Variants in MYO1E observed in about 807,000 individuals in gnomAD.
MYO1E encodes the protein unconventional myosin-Ie.
A neutral mutation model predicts 151.1 loss-of-function variants in MYO1E; 68 were observed. The observed-to-expected ratio is 0.45, with a 90% CI of 0.37 to 0.55. The LOEUF (loss-of-function observed/expected upper bound fraction) is 0.55, where lower values mean the gene tolerates loss of function less well. Ranked by LOEUF, MYO1E falls within the 20% of genes least tolerant of loss-of-function variation. MYO1E has a pLI of 0.00. For missense variants in MYO1E, 1,363 were observed against 1,389.3 expected, an observed-to-expected ratio of 0.98 and a Z score of 0.30; for synonymous variants, 601 against 501.7, an observed-to-expected ratio of 1.20 and a Z score of -2.64.
chr15:59,248,175 G>A (rs1261382222), intron 4 of MYO1E, among the ~76,000 whole-genome samples: 1 of 147,040 alleles, frequency 6.8e-6, no homozygotes, highest in Non-Finnish European at 1.5e-5. Flanking sequence ...TGAACACAAG[G>A]CATGGTAGAT....
intron 4 of MYO1E, among the ~76,000 whole-genome samples, chr15:59,239,705 G>A (rs191814939): frequency 2.0e-5 from 3 of 152,278 alleles, no homozygotes; most frequent in African/African-American, 7.2e-5. Context: ...CAGCAACTAT[G>A]ATCTTTTCCA....
At chr15:59,311,426 T>C (rs568153066) in intron 1 of MYO1E, among the ~76,000 whole-genome samples, 2 of 152,088 alleles carry the variant, frequency 1.3e-5, no homozygotes, top group Non-Finnish European at 2.9e-5. Flanking sequence ...TGCTCACTCA[T>C]GCATGCTTAC....
chr15:59,247,066 C>A (rs1009816706), intron 4 of MYO1E, among the ~76,000 whole-genome samples: 2 of 152,132 alleles, frequency 1.3e-5, no homozygotes, highest in South Asian at 2.1e-4. Flanking sequence ...CATGATGGTG[C>A]GCATCTGTGG....
intron 26 of MYO1E, among the ~76,000 whole-genome samples, chr15:59,140,842 A>G (rs1194541851): frequency 1.3e-5 from 2 of 151,966 alleles, no homozygotes; most frequent in African/African-American, 4.8e-5. Context: ...CGTGGGAGGG[A>G]GCAATCCTCA....
intron 3 of MYO1E, among the ~76,000 whole-genome samples, chr15:59,260,384 T>C (rs528404288): frequency 4.6e-5 from 7 of 152,366 alleles, no homozygotes; most frequent in East Asian, 3.8e-4. Context: ...ACCATTCATC[T>C]GGCAACAATG....
At chr15:59,179,085 A>G (rs1420694603) in intron 18 of MYO1E, among the ~76,000 whole-genome samples, 1 of 152,052 alleles carries the variant, frequency 6.6e-6, no homozygotes, top group Admixed American at 6.5e-5. Context: ...GGCTTGCTGC[A>G]TTTCTTCGAG....
chr15:59,365,622 T>C (rs187282572), intron 1 of MYO1E, among the ~76,000 whole-genome samples: 2 of 152,354 alleles, frequency 1.3e-5, no homozygotes, highest in East Asian at 3.9e-4. Context: ...TAGGATAGAA[T>C]TTTTAAGCTC....
chr15:59,138,258 C>A lies in MYO1E; in HGVS notation c.3190G>T (p.Ala1064Ser). Residue 1064 changes from alanine to serine, a missense_variant, in exon 27 of 28, where the codon GCT (alanine) becomes TCT (serine). Coordinates refer to ENST00000288235, the MANE Select transcript of MYO1E (RefSeq NM_004998.4). ...PQCKALYAYDAQDTDELSFNA... is the reference protein window; with the variant it reads ...PQCKALYAYDSQDTDELSFNA... ...AAGCTGAGTTCGTCTGTGTCCTGAG[C>A]GTCATAGGCATACAAAGCCTTGCAC... 6.2e-7 allele frequency: 1 copy of A among 1,614,196 alleles called. No individual in the cohort carries two copies. Among genetic ancestry groups the A allele is most frequent in the Non-Finnish European group, 8.5e-7 (1 of 1,180,046 alleles).
intron 1 of MYO1E, among the ~76,000 whole-genome samples, chr15:59,353,973 AT>A (rs2080839651): frequency 6.6e-6 from 1 of 152,326 alleles, no homozygotes; most frequent in African/African-American, 2.4e-5. Context: ...GATAGAAAAA[AT>A]GTGCATATTT....
Position 59,223,078 on chromosome 15 carries a change from C to T in MYO1E, c.891G>A (p.Ala297=), listed in dbSNP as rs182142363. 3.8e-5 allele frequency: 62 copies of T among 1,614,034 alleles called. No individual in the cohort carries two copies. The African/African-American group carries it at 4.9e-4, about 13-fold the overall frequency. ...NISFKEVGNY[A]AVESEEFLAF... is the part of the protein sequence containing the mutation. Reference sequence around the variant, plus strand: ...ACGCACACTCTTCACTCTCCACAGCCGCGTAGTTGCCAACTTCTTTGAAGC... The same window carrying T: ...ACGCACACTCTTCACTCTCCACAGCTGCGTAGTTGCCAACTTCTTTGAAGC... The change falls in exon 9 of 28, where the codon GCG becomes GCA. Residue 297 remains alanine (A), a synonymous_variant. Transcript: ENST00000288235.
At chr15:59,227,882 A>G (rs1256333196) in intron 6 of MYO1E, among the ~76,000 whole-genome samples, 2 of 152,186 alleles carry the variant, frequency 1.3e-5, no homozygotes, top group African/African-American at 4.8e-5. Flanking sequence ...GCTCAACCAG[A>G]AGGTGTAAAT....
Position 59,161,175 on chromosome 15 carries a change from G to A in MYO1E, c.2683C>T (p.Arg895Trp), listed in dbSNP as rs1429843267. Residue 895 changes from arginine to tryptophan, a missense_variant, in exon 24 of 28, where the codon CGG becomes TGG. By Grantham distance (101) the Arg-to-Trp change is moderately radical. Coordinates refer to ENST00000288235, the MANE Select transcript of MYO1E (RefSeq NM_004998.4). ...AACCCTTGGTGGAACTGCACTTGCC[G>A]GGAGCCCCCTGCACTCCAGGGGCCC... ...NWGPWSAGGS[R>W]QVQFHQGFGD... is the part of the protein sequence containing the mutation. 7.4e-6 allele frequency: 12 copies of A among 1,613,908 alleles called. No homozygotes were observed. The highest frequency in any genetic ancestry group is 1.7e-5 in the Admixed American group (1 of 59,992).
Position 59,347,285 on chromosome 15 carries a change from A to G in MYO1E, c.3+25213T>C, listed in dbSNP as rs571976891. 1.6e-4 allele frequency among the ~76,000 whole-genome samples: 25 copies of G among 152,296 alleles called. No individual in the cohort carries two copies. In the South Asian group the frequency reaches 5.0e-3, roughly 30 times the overall value. On this transcript the variant is annotated intron_variant, in intron 1 of 27. Transcript: ENST00000288235. ...ATCCAGGCTGCGCGCTTCTAATGAG[A>G]ATCTAATACCGATTATCTGAGGTGG...
chr15:59,205,613 A>G (rs1481846085), intron 14 of MYO1E, 128 bp from the exon 15 acceptor site: 1 of 813,164 alleles, frequency 1.2e-6, no homozygotes, highest in Non-Finnish European at 2.1e-6. Flanking sequence ...TACCCTCACC[A>G]CAACATGTGG....
At chr15:59,340,361 A>G (rs1341143307) in intron 1 of MYO1E, among the ~76,000 whole-genome samples, 4 of 149,786 alleles carry the variant, frequency 2.7e-5, no homozygotes, top group Non-Finnish European at 1.5e-5. Flanking sequence ...TAAATAAGGC[A>G]AACTTTTCAC....
chr15:59,365,453 G>C (rs1270272244), intron 1 of MYO1E, among the ~76,000 whole-genome samples: 2 of 152,058 alleles, frequency 1.3e-5, no homozygotes, highest in African/African-American at 4.8e-5. Flanking sequence ...ACCACTGTTT[G>C]GTAAGAAAAA....
intron 1 of MYO1E, among the ~76,000 whole-genome samples, chr15:59,332,048 C>T (rs548052902): frequency 3.3e-5 from 5 of 152,166 alleles, no homozygotes; most frequent in African/African-American, 1.2e-4. Context: ...AATTGGGATG[C>T]GTATAAATTA....
chr15:59,214,858 G>A, intron 10 of MYO1E, 138 bp from the exon 11 acceptor site: 1 of 744,640 alleles, frequency 1.3e-6, no homozygotes, highest in Non-Finnish European at 2.4e-6. Context: ...GAAGGCAGGA[G>A]ACTTGCTGCT....
At chr15:59,229,150 A>G (rs766502444) in intron 6 of MYO1E, among the ~76,000 whole-genome samples, 5 of 152,172 alleles carry the variant, frequency 3.3e-5, no homozygotes, top group African/African-American at 7.2e-5. Context: ...TCAACAGTTG[A>G]GGGAAAATGA....
Sources: allele counts gnomAD v4.1 joint callset (sites outside exome capture counted in the v4.1 genomes callset), GRCh38; gene constraint gnomAD v4.1.1; transcripts MANE v1.5; gene names NCBI Gene and HGNC (gene_info 2026-07-23, HGNC 2026-07-21).